SCNN1B: variants seen among roughly 807,000 people sequenced by gnomAD.
SCNN1B encodes the protein epithelial sodium channel subunit beta.
SCNN1B carries 46 observed loss-of-function variants against 65.3 expected under a neutral mutation model. The observed-to-expected ratio is 0.70, with a 90% CI of 0.56 to 0.90. The LOEUF (loss-of-function observed/expected upper bound fraction) is 0.90, where lower values mean the gene tolerates loss of function less well. Ranked by LOEUF, SCNN1B falls within the 40% of genes least tolerant of loss-of-function variation. The pLI is 0.00. For missense variants in SCNN1B, 751 were observed against 830.5 expected (o/e 0.90, Z 1.18); for synonymous variants, 349 against 330.6 (o/e 1.06, Z -0.60).
intron 1 of SCNN1B, among the ~76,000 whole-genome samples, chr16:23,328,427 G>C (rs1163194982): frequency 1.3e-5 from 2 of 152,148 alleles, no homozygotes; most frequent in Admixed American, 1.3e-4. Flanking sequence ...TGATGGGCAC[G>C]AAGTCCATCC....
chr16:23,307,295 CTTTTTTTT>C (rs761118487), intron 1 of SCNN1B, among the ~76,000 whole-genome samples: 1 of 113,318 alleles, frequency 8.8e-6, no homozygotes, highest in Non-Finnish European at 1.7e-5. Flanking sequence ...GCCTGTGCTC[CTTTTTTTT>C]TTTTTTTTTT....
chr16:23,347,140 T>C (rs1281090028), intron 1 of SCNN1B, among the ~76,000 whole-genome samples: 1 of 152,160 alleles, frequency 6.6e-6, no homozygotes, highest in Non-Finnish European at 1.5e-5. Context: ...ACAGAATCCT[T>C]ATTCTAAACC....
At chr16:23,330,883 G>A (rs1015991789) in intron 1 of SCNN1B, among the ~76,000 whole-genome samples, 7 of 152,054 alleles carry the variant, frequency 4.6e-5, no homozygotes, top group African/African-American at 1.7e-4. Context: ...GGGCAGTCGA[G>A]GCTTCCCTGG....
intron 8 of SCNN1B, among the ~76,000 whole-genome samples, chr16:23,376,689 C>T (rs1198043149): frequency 2.8e-5 from 4 of 145,380 alleles, no homozygotes; most frequent in Admixed American, 1.4e-4. Flanking sequence ...GTGAGCAGAT[C>T]ACTTGATGCC....
chr16:23,284,275 C>T (rs143044037), intron 2 of SCNN1B, among the ~76,000 whole-genome samples: 2,159 of 151,940 alleles, frequency 0.014, 27 homozygotes, highest in African/African-American at 0.029. Context: ...TATGGTGGCA[C>T]GTGCCTATAA....
At chr16:23,315,072 C>G (rs911211802) in intron 1 of SCNN1B, among the ~76,000 whole-genome samples, 4 of 152,208 alleles carry the variant, frequency 2.6e-5, no homozygotes, top group African/African-American at 9.6e-5. Flanking sequence ...TGCGGTGGCT[C>G]AAGCCTGTAA....
intron 1 of SCNN1B, among the ~76,000 whole-genome samples, chr16:23,340,891 C>T (rs239348): frequency 0.57 from 86,067 of 151,782 alleles, 26,845 homozygotes; most frequent in African/African-American, 0.84. Flanking sequence ...TAAAATGTTG[C>T]TTTGAAGTGT....
At chr16:23,378,633 C>T (rs1424661994) in intron 10 of SCNN1B, 73 bp from the exon 11 acceptor site, 1 of 1,416,838 alleles carries the variant, frequency 7.1e-7, no homozygotes, top group African/African-American at 1.4e-5. Context: ...GTCTACCTCC[C>T]CCAGGGAACA....
chr16:23,321,705 A>T (rs911762109), intron 1 of SCNN1B, among the ~76,000 whole-genome samples: 3 of 152,128 alleles, frequency 2.0e-5, no homozygotes, highest in Non-Finnish European at 2.9e-5. Flanking sequence ...TACTCCGCGG[A>T]CGGTGGCTGC....
In SCNN1B at chr16:23,371,376, C is replaced by T; in HGVS notation, c.958C>T (p.Leu320Phe). The T allele has an allele frequency of 5.6e-6, 9 of 1,614,164 alleles. No individual in the cohort carries two copies. The highest frequency in any genetic ancestry group is 7.6e-6 in the Non-Finnish European group (9 of 1,179,996). ...GTCCACGGCCGGGGTCAGGCTGATGCTTCACGAGCAGAGGTCATACCCCTT... is the reference window on the plus strand; with the variant it reads ...GTCCACGGCCGGGGTCAGGCTGATGTTTCACGAGCAGAGGTCATACCCCTT... ...LASTAGVRLM[L>F]HEQRSYPFIR... The change falls in exon 6 of 13, where the codon CTT becomes TTT. Residue 320 changes from leucine to phenylalanine, a missense_variant. Leu to Phe is a conservative substitution (Grantham distance 22). Coordinates refer to ENST00000343070, the MANE Select transcript of SCNN1B (RefSeq NM_000336.3).
chr16:23,341,589 A>C lies in SCNN1B; in HGVS notation c.-8-7003A>C, dbSNP rs1225451232. Among the ~76,000 whole-genome samples the C allele has an allele frequency of 2.0e-5, 3 of 152,204 alleles. No individual in the cohort carries two copies. In the East Asian group the frequency reaches 5.8e-4, roughly 29 times the overall value. On this transcript the variant is annotated intron_variant, in intron 1 of 12. Transcript: ENST00000343070. Reference sequence around the variant, plus strand: ...AGGGACTTGTGTATAGAATATATAAATAACTCTTGCAACTCAGTAATAAAA... The same window carrying C: ...AGGGACTTGTGTATAGAATATATAACTAACTCTTGCAACTCAGTAATAAAA...
chr16:23,305,746 CA>C (rs1567290584), intron 1 of SCNN1B, among the ~76,000 whole-genome samples: 2 of 149,214 alleles, frequency 1.3e-5, no homozygotes, highest in Admixed American at 1.3e-4. Flanking sequence ...GACCCTGCCT[CA>C]AAAAAGGAAA....
chr16:23,370,491 G>A (rs1292038280), intron 5 of SCNN1B, among the ~76,000 whole-genome samples: 1 of 152,168 alleles, frequency 6.6e-6, no homozygotes, highest in Non-Finnish European at 1.5e-5. Flanking sequence ...TAACCAGAGG[G>A]ACTCAACTCC....
intron 5 of SCNN1B, among the ~76,000 whole-genome samples, chr16:23,368,843 G>C (rs1367045177): frequency 6.6e-6 from 1 of 152,168 alleles, no homozygotes; most frequent in African/African-American, 2.4e-5. Flanking sequence ...GGAGCTAAAT[G>C]ATGTGCACAC....
At chr16:23,329,574 C>T (rs1961768295) in intron 1 of SCNN1B, among the ~76,000 whole-genome samples, 1 of 152,190 alleles carries the variant, frequency 6.6e-6, no homozygotes, top group Non-Finnish European at 1.5e-5. Flanking sequence ...TAATACTGCC[C>T]TCTCCATGCA....
intron 1 of SCNN1B, among the ~76,000 whole-genome samples, chr16:23,315,393 C>T (rs1167857076): frequency 6.6e-6 from 1 of 152,106 alleles, no homozygotes. Flanking sequence ...ATGCCTTCCA[C>T]CTGGTGTTTG....
chr16:23,278,373 G>C (rs1960734789), intron 1 of SCNN1B: 1 of 151,946 alleles, frequency 6.6e-6, no homozygotes, highest in Admixed American at 6.6e-5. Flanking sequence ...CAAGTTTGTG[G>C]TGCCTATGGG....
intron 1 of SCNN1B, among the ~76,000 whole-genome samples, chr16:23,303,439 A>G (rs546732342): frequency 2.0e-5 from 3 of 152,038 alleles, no homozygotes; most frequent in East Asian, 3.9e-4. Flanking sequence ...CTGCCTACCC[A>G]TTGAGCTGTG....
At chr16:23,356,034 G>A (rs2142023224) in intron 4 of SCNN1B, among the ~76,000 whole-genome samples, 1 of 152,324 alleles carries the variant, frequency 6.6e-6, no homozygotes, top group East Asian at 1.9e-4. Flanking sequence ...AGGATCTGGA[G>A]CATAAACTGA....
Sources: gnomAD v4.1 joint callset for allele counts (sites outside exome capture counted in the v4.1 genomes callset) on GRCh38, gnomAD v4.1.1 for gene constraint, MANE v1.5 for transcripts, NCBI Gene and HGNC (gene_info 2026-07-23, HGNC 2026-07-21) for gene names.